Variants in LRRC4C observed in about 807,000 individuals in gnomAD.
LRRC4C encodes the protein leucine rich repeat containing 4C.
LRRC4C carries 5 observed loss-of-function variants against 33.6 expected under a neutral mutation model. The observed-to-expected ratio is 0.15, with a 90% confidence interval of 0.08 to 0.31. LRRC4C has a LOEUF of 0.31. Ranked by LOEUF, LRRC4C falls within the 10% of genes least tolerant of loss-of-function variation. The probability of loss-of-function intolerance (pLI) is 1.00; values close to 1 mark genes in which losing one functional copy is unlikely to be tolerated. For synonymous variants in LRRC4C, 329 were observed against 302.0 expected (o/e 1.09, Z -0.93); for missense variants, 560 against 796.7 (o/e 0.70, Z 3.58).
At chr11:40,228,942 G>A (rs1368128769) in intron 5 of LRRC4C, among the ~76,000 whole-genome samples, 1 of 152,128 alleles carries the variant, frequency 6.6e-6, no homozygotes. Context: ...TGACACCACT[G>A]TTTGCCAACA....
chr11:40,153,811 C>T (rs148851081), intron 5 of LRRC4C, among the ~76,000 whole-genome samples: 1 of 151,832 alleles, frequency 6.6e-6, no homozygotes, highest in Non-Finnish European at 1.5e-5. Flanking sequence ...ATGAAAAAAA[C>T]CTAAGAATAA....
chr11:40,907,660 C>T (rs1956481737), intron 2 of LRRC4C, among the ~76,000 whole-genome samples: 1 of 152,138 alleles, frequency 6.6e-6, no homozygotes. Flanking sequence ...ACAACTCTTC[C>T]TCTCTACAGC....
intron 2 of LRRC4C, among the ~76,000 whole-genome samples, chr11:40,869,767 A>G (rs963513177): frequency 6.6e-6 from 1 of 152,030 alleles, no homozygotes; most frequent in Non-Finnish European, 1.5e-5. Context: ...GACGTATAAA[A>G]CCCCAAGTCA....
intron 1 of LRRC4C, among the ~76,000 whole-genome samples, chr11:41,176,442 A>G (rs1051941114): frequency 1.3e-5 from 2 of 152,188 alleles, no homozygotes; most frequent in Non-Finnish European, 2.9e-5. Context: ...GTGGTTTATC[A>G]TAGTGTTCAT....
At chr11:41,325,306 A>G (rs1426731681) in intron 1 of LRRC4C, among the ~76,000 whole-genome samples, 2 of 152,150 alleles carry the variant, frequency 1.3e-5, no homozygotes, top group African/African-American at 4.8e-5. Context: ...TTTTAAGGTG[A>G]GTTATTGAAA....
At chr11:41,223,388 C>A (rs2136401776) in intron 1 of LRRC4C, among the ~76,000 whole-genome samples, 1 of 152,228 alleles carries the variant, frequency 6.6e-6, no homozygotes, top group East Asian at 1.9e-4. Context: ...AATAAGAACT[C>A]TGGAGGAATG....
At chr11:40,474,849 A>T (rs543599444) in intron 3 of LRRC4C, among the ~76,000 whole-genome samples, 1 of 151,998 alleles carries the variant, frequency 6.6e-6, no homozygotes, top group Non-Finnish European at 1.5e-5. Flanking sequence ...ATCACTTGTC[A>T]TTAGATAAAT....
Position 40,414,962 on chromosome 11 carries a change from A to G in LRRC4C, c.-269-95241T>C, listed in dbSNP as rs76937707. On this transcript the variant is annotated intron_variant, in intron 3 of 6. Coordinates refer to ENST00000528697, the MANE Select transcript of LRRC4C (RefSeq NM_001258419.2). Reference sequence around the variant, plus strand: ...AACTACTTACAAATTCTAATTATACACATAAATATTAACTCCCATCATGAA... The same window carrying G: ...AACTACTTACAAATTCTAATTATACGCATAAATATTAACTCCCATCATGAA... Among the ~76,000 whole-genome samples, 1,180 of 152,252 alleles carry G rather than the reference A, an allele frequency of 7.8e-3. 14 individuals carry two copies. Among genetic ancestry groups the G allele is most frequent in the African/African-American group, 0.027 (1,114 of 41,558 alleles).
Position 40,542,052 on chromosome 11 carries a change from CTCTT to C in LRRC4C, c.-270+106086_-270+106089del, listed in dbSNP as rs77820700. ...TCTCTTTCTCTTTCTTTCTCTTTCT[CTCTT>C]TCTTTCTTTCTCTCTCTCTTTTCTT... On this transcript the variant is annotated intron_variant, in intron 3 of 6. Transcript: ENST00000528697. Among the ~76,000 whole-genome samples, 820 of 149,374 alleles carry C rather than the reference CTCTT, an allele frequency of 5.5e-3. 10 individuals are homozygous for C. The highest frequency in any genetic ancestry group is 0.019 in the African/African-American group (790 of 40,660).
chr11:40,346,894 C>T (rs1397688330), intron 3 of LRRC4C, among the ~76,000 whole-genome samples: 2 of 152,140 alleles, frequency 1.3e-5, no homozygotes, highest in Non-Finnish European at 2.9e-5. Flanking sequence ...GTCATCCAGG[C>T]TTTGTCATTC....
chr11:41,093,617 C>A (rs1940589250), intron 1 of LRRC4C, among the ~76,000 whole-genome samples: 1 of 152,160 alleles, frequency 6.6e-6, no homozygotes, highest in Non-Finnish European at 1.5e-5. Flanking sequence ...TACAGCTACA[C>A]TGTCCACATA....
At chr11:40,126,889 G>C (rs894390854) in intron 6 of LRRC4C, among the ~76,000 whole-genome samples, 2 of 151,966 alleles carry the variant, frequency 1.3e-5, no homozygotes, top group African/African-American at 4.8e-5. Flanking sequence ...GAACCCAGGA[G>C]GTGGAGGTTG....
chr11:40,813,993 C>A (rs1951600628), intron 2 of LRRC4C, among the ~76,000 whole-genome samples: 1 of 152,198 alleles, frequency 6.6e-6, no homozygotes, highest in South Asian at 2.1e-4. Context: ...CTTCTCCTGG[C>A]TGCTTTCACA....
chr11:40,337,020 A>G (rs1946655801), intron 3 of LRRC4C, among the ~76,000 whole-genome samples: 1 of 148,316 alleles, frequency 6.7e-6, no homozygotes, highest in Non-Finnish European at 1.5e-5. Flanking sequence ...CGAATCAGGG[A>G]AAGGGAGTGG....
At chr11:40,267,956 A>G (rs897478542) in intron 4 of LRRC4C, among the ~76,000 whole-genome samples, 2 of 152,170 alleles carry the variant, frequency 1.3e-5, no homozygotes, top group Admixed American at 6.5e-5. Context: ...CGAACCCTTC[A>G]TTGCTCTCCT....
At chr11:40,934,371 C>T (rs1299851901) in intron 1 of LRRC4C, among the ~76,000 whole-genome samples, 3 of 152,038 alleles carry the variant, frequency 2.0e-5, no homozygotes, top group African/African-American at 4.8e-5. Context: ...CTTTGCACTC[C>T]GAAGGCATGG....
At chr11:40,697,016 G>A (rs1945598204) in intron 2 of LRRC4C, among the ~76,000 whole-genome samples, 1 of 151,754 alleles carries the variant, frequency 6.6e-6, no homozygotes, top group African/African-American at 2.4e-5. Flanking sequence ...TTAGAATATT[G>A]AAAGAAGCAC....
At chr11:40,323,270 T>C (rs1021305961) in intron 3 of LRRC4C, among the ~76,000 whole-genome samples, 4 of 152,232 alleles carry the variant, frequency 2.6e-5, no homozygotes, top group Admixed American at 2.6e-4. Flanking sequence ...GAATGTCCAT[T>C]TGGACTCTGC....
intron 3 of LRRC4C, among the ~76,000 whole-genome samples, chr11:40,409,529 A>G (rs558719830): frequency 5.3e-5 from 8 of 152,186 alleles, no homozygotes; most frequent in African/African-American, 1.7e-4. Flanking sequence ...TAAAAAAACT[A>G]AAATGACTCA....
Sources: allele counts gnomAD v4.1 joint callset (sites outside exome capture counted in the v4.1 genomes callset), GRCh38; gene constraint gnomAD v4.1.1; transcripts MANE v1.5; gene names NCBI Gene and HGNC (gene_info 2026-07-23, HGNC 2026-07-21).